Variants in MORC1 observed in about 807,000 individuals in gnomAD.
The protein encoded by MORC1 is MORC family CW-type zinc finger protein 1.
Under a neutral mutation model 134.9 loss-of-function variants are expected in MORC1, and 59 were observed. The observed-to-expected ratio is 0.44, with a 90% CI of 0.35 to 0.54. The LOEUF is 0.54. Among genes scored for constraint, MORC1 ranks in the 20% least tolerant of loss-of-function variants. The pLI is 0.00. For synonymous variants in MORC1, 395 were observed against 391.7 expected (o/e 1.01, Z -0.10); for missense variants, 947 against 1,134.5 (o/e 0.83, Z 2.37).
At chr3:109,040,829 CAAAAAAAAAAA>C (rs59122147) in intron 14 of MORC1, among the ~76,000 whole-genome samples, 1 of 108,632 alleles carries the variant, frequency 9.2e-6, no homozygotes, top group African/African-American at 4.4e-5. Flanking sequence ...AACTCTGTGT[CAAAAAAAAAAA>C]AAAAAAAAAA....
intron 14 of MORC1, among the ~76,000 whole-genome samples, chr3:109,047,030 A>G (rs1245408281): frequency 1.3e-5 from 2 of 152,176 alleles, no homozygotes; most frequent in African/African-American, 4.8e-5. Flanking sequence ...TAAAGCCATA[A>G]TGGAAAGAGT....
At chr3:109,016,521 G>A (rs367779607) in intron 17 of MORC1, among the ~76,000 whole-genome samples, 162 of 152,210 alleles carry the variant, frequency 1.1e-3, no homozygotes, top group African/African-American at 3.8e-3. Flanking sequence ...ACCCTGCACC[G>A]GGGTCCTCAT....
Position 109,005,259 on chromosome 3 carries a change from A to G in MORC1, c.1824T>C (p.Ser608=), listed in dbSNP as rs993396349. 1.9e-6 allele frequency: 3 copies of G among 1,613,262 alleles called. No individual in the cohort carries two copies. Among genetic ancestry groups the G allele is most frequent in the Non-Finnish European group, 2.5e-6 (3 of 1,179,730 alleles). The change falls in exon 19 of 28, where the codon TCT becomes TCC. Residue 608 remains serine, a synonymous_variant. Transcript: ENST00000232603. ...RLLGDDLKHE[S]LSSFELSASR... is the part of the protein sequence containing the mutation. ...TCGCTGAAAGCTCAAAGGATGAAAG[A>G]GATTCATGCTTCAAGTCATCGCCCA...
chr3:109,055,024 A>G, intron 13 of MORC1, 142 bp from the exon 14 acceptor site: 1 of 745,648 alleles, frequency 1.3e-6, no homozygotes, highest in East Asian at 2.8e-5. Context: ...TTAACAAGTT[A>G]GCTAATTATG....
At chr3:109,049,060 G>C in intron 14 of MORC1, 1 of 810,474 alleles carries the variant, frequency 1.2e-6, no homozygotes, top group Non-Finnish European at 1.5e-6. Context: ...GATATGAACT[G>C]TTTCTCAGAC....
chr3:108,969,552 A>G lies in MORC1; in HGVS notation c.2604+117T>C, dbSNP rs193225882. 9.6e-4 allele frequency: 993 copies of G among 1,031,872 alleles called. 6 individuals are homozygous for G. The highest frequency in any genetic ancestry group is 1.7e-4 in the Non-Finnish European group (114 of 670,938). 63.9% of individuals were successfully genotyped at this position (1,031,872 alleles called of 1,614,324 possible). On this transcript the variant is annotated intron_variant, in intron 26 of 27. Transcript: ENST00000232603. ...AAGCTATACATTAATCTAAGTCTCG[A>G]TAAGTGAATGCAAATTTGATTTCCT...
At chr3:109,114,539 C>G in intron 1 of MORC1, 102 bp from the exon 2 acceptor site, 1 of 961,086 alleles carries the variant, frequency 1.0e-6, no homozygotes, top group Non-Finnish European at 1.6e-6. Flanking sequence ...TTCCAGACAT[C>G]TAGTGAATTA....
intron 16 of MORC1, among the ~76,000 whole-genome samples, chr3:109,029,415 A>C (rs1007859084): frequency 9.8e-5 from 15 of 152,360 alleles, no homozygotes; most frequent in African/African-American, 3.6e-4. Context: ...TTAGAATGCA[A>C]TTCATTCAAC....
intron 27 of MORC1, among the ~76,000 whole-genome samples, chr3:108,962,349 AT>A (rs1184267452): frequency 1.3e-5 from 2 of 152,074 alleles, no homozygotes; most frequent in East Asian, 3.8e-4. Context: ...TAAATTAAAA[AT>A]TTTTTTGAAG....
chr3:109,061,574 C>G (rs7653093), intron 11 of MORC1, among the ~76,000 whole-genome samples: 146,390 of 152,274 alleles, frequency 0.96, 70,678 homozygotes, highest in East Asian at 1. Flanking sequence ...ACCTTTCCTT[C>G]CTTTCCCCAT....
At chr3:109,051,209 CA>C (rs1319310327) in intron 14 of MORC1, among the ~76,000 whole-genome samples, 1 of 152,208 alleles carries the variant, frequency 6.6e-6, no homozygotes, top group Non-Finnish European at 1.5e-5. Flanking sequence ...ATAAATGACA[CA>C]AAGTCATTAC....
chr3:109,099,059 G>A (rs1490146729), intron 6 of MORC1, among the ~76,000 whole-genome samples: 1 of 152,028 alleles, frequency 6.6e-6, no homozygotes. Context: ...TCAATTTATG[G>A]CATATATGGT....
intron 14 of MORC1, among the ~76,000 whole-genome samples, chr3:109,046,437 T>C (rs2107648914): frequency 1.3e-5 from 2 of 152,324 alleles, no homozygotes; most frequent in African/African-American, 2.4e-5. Context: ...CTCTAAAATG[T>C]GGAAATCAAA....
rs780136281 is a variant in MORC1, at chr3:109,062,066, T to G, written c.896-8A>C. 12 of 1,613,602 alleles carry G rather than the reference T, an allele frequency of 7.4e-6. No individual in the cohort carries two copies. In the Admixed American group the frequency reaches 2.0e-4, roughly 27 times the overall value. On this transcript the variant is annotated splice_polypyrimidine_tract_variant and splice_region_variant and intron_variant, in intron 10 of 27. Transcript: ENST00000232603. ...CTTTCAATATGGATTCAGCTGGAAGTAGAAGCCAAATAGTTATAACACAGC... is the reference window on the plus strand; with the variant it reads ...CTTTCAATATGGATTCAGCTGGAAGGAGAAGCCAAATAGTTATAACACAGC...
chr3:109,023,617 GATA>G (rs1442627389), intron 17 of MORC1, among the ~76,000 whole-genome samples: 2 of 146,882 alleles, frequency 1.4e-5, no homozygotes, highest in Non-Finnish European at 3.1e-5. Flanking sequence ...CTGTGTGCAT[GATA>G]ATGACACAAT....
chr3:108,972,363 AAAT>A (rs1947410859), intron 24 of MORC1, among the ~76,000 whole-genome samples: 1 of 152,212 alleles, frequency 6.6e-6, no homozygotes, highest in African/African-American at 2.4e-5. Flanking sequence ...TCCAGTTGTA[AAAT>A]AATATGGTAT....
intron 14 of MORC1, among the ~76,000 whole-genome samples, chr3:109,046,474 T>A (rs1949699407): frequency 6.6e-6 from 1 of 152,230 alleles, no homozygotes; most frequent in Non-Finnish European, 1.5e-5. Flanking sequence ...AAGTCCAAAG[T>A]GTATTCCTAA....
intron 14 of MORC1, among the ~76,000 whole-genome samples, chr3:109,054,174 C>T (rs535029849): frequency 1.3e-5 from 2 of 150,968 alleles, no homozygotes; most frequent in Admixed American, 6.6e-5. Context: ...CCCAGCCACT[C>T]GGGAGGCTGA....
At chr3:108,970,044 C>A (rs1358276400) in intron 25 of MORC1, among the ~76,000 whole-genome samples, 1 of 152,062 alleles carries the variant, frequency 6.6e-6, no homozygotes, top group Non-Finnish European at 1.5e-5. Flanking sequence ...GAGAGCGCAG[C>A]TGGAGTCTGG....
Sources: gnomAD v4.1 joint callset for allele counts (sites outside exome capture counted in the v4.1 genomes callset) on GRCh38, gnomAD v4.1.1 for gene constraint, MANE v1.5 for transcripts, NCBI Gene and HGNC (gene_info 2026-07-23, HGNC 2026-07-21) for gene names.